LRP2: variants seen among roughly 807,000 people sequenced by gnomAD.
LRP2 encodes the protein LDL receptor related protein 2, also known as low-density lipoprotein receptor-related protein 2.
LRP2 carries 172 observed loss-of-function variants against 531.0 expected under a neutral mutation model. The observed-to-expected ratio is 0.32, with a 90% CI of 0.29 to 0.37. LRP2 has a LOEUF of 0.37. LRP2 is among the 10% of genes least tolerant of loss of function. The pLI, the probability that LRP2 is intolerant of heterozygous loss-of-function variation, is 1.00. For synonymous variants in LRP2, 1,992 were observed against 2,027.6 expected (o/e 0.98, Z 0.47); for missense variants, 5,167 against 5,868.3 (o/e 0.88, Z 3.90).
intron 35 of LRP2, 22 bp from the exon 36 acceptor site, chr2:169,213,892 T>C (rs561589729): frequency 3.5e-5 from 54 of 1,545,568 alleles, no homozygotes; most frequent in African/African-American, 3.1e-4. Flanking sequence ...GAATTTTCAT[T>C]AGTTTCATGG....
At chr2:169,332,368 C>A (rs938255136) in intron 1 of LRP2, among the ~76,000 whole-genome samples, 2 of 150,830 alleles carry the variant, frequency 1.3e-5, no homozygotes, top group Admixed American at 6.6e-5. Context: ...TCTAAAGAAA[C>A]GAGAAGAGAG....
At chr2:169,202,472 A>G (rs1235854431) in intron 43 of LRP2, among the ~76,000 whole-genome samples, 2 of 152,178 alleles carry the variant, frequency 1.3e-5, no homozygotes, top group Non-Finnish European at 2.9e-5. Flanking sequence ...TAGTAGCTCC[A>G]TTTTACAGAT....
intron 71 of LRP2, among the ~76,000 whole-genome samples, chr2:169,140,978 A>C (rs1000470711): frequency 3.9e-5 from 6 of 152,168 alleles, no homozygotes; most frequent in African/African-American, 1.4e-4. Flanking sequence ...ATCAGTCCAC[A>C]GGCAGTCACA....
rs17848185 is a variant in LRP2 at position 169,175,181 on chromosome 2, G to A, written c.10768+12C>T. 626 of 1,613,628 alleles carry A rather than the reference G, an allele frequency of 3.9e-4. 2 individuals carry two copies. In the East Asian group the frequency reaches 8.4e-3, roughly 22 times the overall value. On this transcript the variant is annotated intron_variant, in intron 55 of 78. Coordinates refer to ENST00000649046, the MANE Select transcript of LRP2 (RefSeq NM_004525.3). Reference sequence around the variant, plus strand: ...GAAGTCGGAAAAAGAGGCATAAAGCGACTCAACACACCACAAAGAAGACGG... The same window carrying A: ...GAAGTCGGAAAAAGAGGCATAAAGCAACTCAACACACCACAAAGAAGACGG...
At chr2:169,158,864 AAC>A (rs1686462198) in intron 63 of LRP2, among the ~76,000 whole-genome samples, 2 of 151,438 alleles carry the variant, frequency 1.3e-5, no homozygotes, top group African/African-American at 4.9e-5. Context: ...AAACAAAAAA[AAC>A]ACAGTTTATT....
intron 50 of LRP2, chr2:169,182,567 A>G: frequency 7.4e-7 from 1 of 1,359,816 alleles, no homozygotes; most frequent in Non-Finnish European, 9.5e-7. Flanking sequence ...CGGGGGACAC[A>G]CTTCATTCGA....
chr2:169,216,160 T>A, intron 35 of LRP2, 93 bp downstream of exon 35: 1 of 1,333,870 alleles, frequency 7.5e-7, no homozygotes, highest in Admixed American at 1.7e-5. Flanking sequence ...CCAAGTAAGA[T>A]TGTTCAAGAA....
chr2:169,338,418 GAAAAGAAAAA>G (rs1411172600), intron 1 of LRP2, among the ~76,000 whole-genome samples: 2 of 132,156 alleles, frequency 1.5e-5, no homozygotes, highest in Admixed American at 1.5e-4. Flanking sequence ...GAAAAGAAAA[GAAAAGAAAAA>G]AGGAGGAAGA....
At chr2:169,293,471 T>C (rs1454598775) in intron 6 of LRP2, among the ~76,000 whole-genome samples, 1 of 151,850 alleles carries the variant, frequency 6.6e-6, no homozygotes, top group Non-Finnish European at 1.5e-5. Context: ...AGATCAGGAG[T>C]TCGAGACCAG....
At chr2:169,352,141 T>A (rs1462272833) in intron 1 of LRP2, among the ~76,000 whole-genome samples, 5 of 151,978 alleles carry the variant, frequency 3.3e-5, no homozygotes, top group African/African-American at 1.2e-4. Flanking sequence ...CAGATTCAGG[T>A]GAGAAAAGAT....
At chr2:169,146,571 T>C (rs938293385) in intron 69 of LRP2, among the ~76,000 whole-genome samples, 168 bp downstream of exon 69, 2 of 152,164 alleles carry the variant, frequency 1.3e-5, no homozygotes, top group African/African-American at 4.8e-5. Flanking sequence ...AATGAACTCA[T>C]CTGCATTTAA....
chr2:169,340,682 C>A (rs1396590501), intron 1 of LRP2, among the ~76,000 whole-genome samples: 2 of 152,144 alleles, frequency 1.3e-5, no homozygotes, highest in Non-Finnish European at 2.9e-5. Flanking sequence ...GACTGTGGAG[C>A]CTGTGTCTCT....
intron 52 of LRP2, among the ~76,000 whole-genome samples, chr2:169,178,742 G>A (rs1687310557): frequency 6.6e-6 from 1 of 152,214 alleles, no homozygotes; most frequent in South Asian, 2.1e-4. Flanking sequence ...GTCTATATCA[G>A]AAATCATTTC....
intron 16 of LRP2, among the ~76,000 whole-genome samples, chr2:169,266,339 A>C (rs981381527): frequency 2.0e-5 from 3 of 152,004 alleles, no homozygotes; most frequent in Non-Finnish European, 1.5e-5. Flanking sequence ...AAATAGTCAA[A>C]AGAGCTGTTC....
At chr2:169,320,533 G>A (rs189940386) in intron 2 of LRP2, among the ~76,000 whole-genome samples, 42 of 152,234 alleles carry the variant, frequency 2.8e-4, no homozygotes, top group African/African-American at 9.1e-4. Context: ...TGTGGTCAAG[G>A]GATAAGGGTG....
At chr2:169,361,350 G>GTCTC (rs1216824209) in intron 1 of LRP2, among the ~76,000 whole-genome samples, 51 of 21,974 alleles carry the variant, frequency 2.3e-3, no homozygotes, top group East Asian at 0.023. Context: ...GTCTCTCTCT[G>GTCTC]TCTCTCTCTC....
intron 3 of LRP2, among the ~76,000 whole-genome samples, chr2:169,312,280 G>C (rs1422311629): frequency 6.6e-6 from 1 of 152,018 alleles, no homozygotes; most frequent in African/African-American, 2.4e-5. Flanking sequence ...GTTAGTTGAT[G>C]CAGTTTCTTC....
intron 9 of LRP2, among the ~76,000 whole-genome samples, chr2:169,288,490 G>T (rs1391953455): frequency 2.6e-5 from 4 of 152,188 alleles, no homozygotes; most frequent in African/African-American, 9.7e-5. Context: ...GGAATGAGTA[G>T]CCAGCCCAGC....
At chr2:169,323,871 C>T (rs2105520899) in intron 1 of LRP2, among the ~76,000 whole-genome samples, 1 of 151,362 alleles carries the variant, frequency 6.6e-6, no homozygotes, top group South Asian at 2.1e-4. Context: ...AAAAAAAATC[C>T]CTCTAGTAAA....
Sources: allele counts gnomAD v4.1 joint callset (sites outside exome capture counted in the v4.1 genomes callset), GRCh38; gene constraint gnomAD v4.1.1; transcripts MANE v1.5; gene names NCBI Gene and HGNC (gene_info 2026-07-23, HGNC 2026-07-21).